GRIK1: variants seen among roughly 807,000 people sequenced by gnomAD.
GRIK1 encodes the protein glutamate receptor ionotropic, kainate 1.
Under a neutral mutation model 105.7 loss-of-function variants are expected in GRIK1, and 69 were observed. That is an observed-to-expected ratio of 0.65 (90% CI 0.54 to 0.80). GRIK1 has a LOEUF of 0.80. GRIK1 is among the 30% of genes least tolerant of loss of function. The pLI is 0.00. For missense variants in GRIK1, 1,109 were observed against 1,167.3 expected (o/e 0.95, Z 0.73); for synonymous variants, 438 against 431.3 (o/e 1.02, Z -0.19).
rs148983818 is a variant in GRIK1, at chr21:29,651,148, G to A, written c.924C>T (p.Pro308=). 7.4e-5 allele frequency: 120 copies of A among 1,611,102 alleles called. No homozygotes were observed. Among genetic ancestry groups the A allele is most frequent in the Middle Eastern group, 1.6e-4 (1 of 6,062 alleles). Reference sequence around the variant, plus strand: ...TCATGCCATCCAAAAGGCCAGTCTCGGGCCTGGGTGGGGCCTGCAGTCTCT... The same window carrying A: ...TCATGCCATCCAAAAGGCCAGTCTCAGGCCTGGGTGGGGCCTGCAGTCTCT... ...SMERLQAPPR[P]ETGLLDGMMT... The change falls in exon 6 of 18, where the codon CCC becomes CCT. Residue 308 remains proline, a synonymous_variant. Coordinates refer to ENST00000327783, the MANE Select transcript of GRIK1 (RefSeq NM_001330994.2).
At chr21:29,740,135 T>C (rs370808381) in intron 1 of GRIK1, among the ~76,000 whole-genome samples, 1 of 152,110 alleles carries the variant, frequency 6.6e-6, no homozygotes, top group Non-Finnish European at 1.5e-5. Context: ...AAACCAACGA[T>C]AGTATGAGTA....
intron 1 of GRIK1, among the ~76,000 whole-genome samples, chr21:29,893,941 G>A (rs370417684): frequency 3.0e-4 from 46 of 152,158 alleles, no homozygotes; most frequent in Non-Finnish European, 1.0e-4. Flanking sequence ...GCATTAGTGC[G>A]TGTGTGTTGG....
chr21:29,825,923 G>A (rs1298740808), intron 1 of GRIK1, among the ~76,000 whole-genome samples: 1 of 151,996 alleles, frequency 6.6e-6, no homozygotes, highest in Non-Finnish European at 1.5e-5. Context: ...ACACAAACCT[G>A]CCTGGTCTTG....
chr21:29,918,323 C>T (rs2071071034), intron 1 of GRIK1, among the ~76,000 whole-genome samples: 1 of 152,078 alleles, frequency 6.6e-6, no homozygotes, highest in African/African-American at 2.4e-5. Context: ...AATCGCTTTT[C>T]ATATACAAGC....
intron 14 of GRIK1, among the ~76,000 whole-genome samples, chr21:29,574,099 G>T (rs981874701): frequency 4.5e-5 from 1 of 22,008 alleles, no homozygotes; most frequent in African/African-American, 2.1e-4. Flanking sequence ...TATATATGAT[G>T]AATAAATAAA....
Position 29,684,011 on chromosome 21 carries a change from G to A in GRIK1, c.544+5717C>T, listed in dbSNP as rs150748901. Among the ~76,000 whole-genome samples the A allele has an allele frequency of 5.1e-4, 77 of 152,150 alleles. 1 individual carries two copies. The East Asian group carries it at 0.011, about 22-fold the overall frequency. On this transcript the variant is annotated intron_variant, in intron 3 of 17. Transcript: ENST00000327783. ...CGTTATTTTCTAGAGCACTTCCCTG[G>A]TATCCTTACATAAAACTGTATACCT...
intron 1 of GRIK1, among the ~76,000 whole-genome samples, chr21:29,934,863 G>A (rs992346354): frequency 1.4e-4 from 21 of 152,128 alleles, no homozygotes; most frequent in African/African-American, 5.1e-4. Flanking sequence ...AAAGATGAAT[G>A]ACACAGGTAA....
intron 1 of GRIK1, among the ~76,000 whole-genome samples, chr21:29,822,376 T>G (rs1264938182): frequency 6.6e-6 from 1 of 152,090 alleles, no homozygotes; most frequent in Non-Finnish European, 1.5e-5. Flanking sequence ...AGTAATATTC[T>G]GTCTAATAAG....
At chr21:29,751,939 C>A (rs147432614) in intron 1 of GRIK1, among the ~76,000 whole-genome samples, 38 of 152,284 alleles carry the variant, frequency 2.5e-4, no homozygotes, top group Admixed American at 1.6e-3. Flanking sequence ...AGGACATGTG[C>A]GCATGGCAGT....
chr21:29,707,305 T>C (rs1421358873), intron 1 of GRIK1, among the ~76,000 whole-genome samples: 5 of 152,164 alleles, frequency 3.3e-5, no homozygotes, highest in African/African-American at 1.2e-4. Flanking sequence ...GACACAACCA[T>C]AACACTGTGA....
intron 1 of GRIK1, among the ~76,000 whole-genome samples, chr21:29,755,368 C>A (rs867715461): frequency 6.6e-6 from 1 of 152,236 alleles, no homozygotes; most frequent in Non-Finnish European, 1.5e-5. Context: ...TCAGCATCAA[C>A]ATCAACATGG....
intron 1 of GRIK1, among the ~76,000 whole-genome samples, chr21:29,789,022 C>T (rs2066339267): frequency 1.3e-5 from 2 of 152,146 alleles, no homozygotes; most frequent in Non-Finnish European, 2.9e-5. Context: ...CTGTTACAGA[C>T]CACTGAAAAT....
intron 1 of GRIK1, among the ~76,000 whole-genome samples, chr21:29,822,474 C>T (rs910797931): frequency 5.3e-5 from 8 of 151,912 alleles, no homozygotes; most frequent in African/African-American, 1.7e-4. Flanking sequence ...GAAAACAAAA[C>T]CCATAATTTT....
intron 4 of GRIK1, among the ~76,000 whole-genome samples, chr21:29,665,793 A>T (rs566080337): frequency 6.6e-6 from 1 of 152,212 alleles, no homozygotes; most frequent in South Asian, 2.1e-4. Context: ...AACATGGGTG[A>T]TGTGAACATC....
chr21:29,608,127 A>G (rs1277452160), intron 7 of GRIK1, among the ~76,000 whole-genome samples: 1 of 152,050 alleles, frequency 6.6e-6, no homozygotes, highest in Non-Finnish European at 1.5e-5. Flanking sequence ...TATTATTTCT[A>G]TATGTTACAG....
intron 1 of GRIK1, among the ~76,000 whole-genome samples, chr21:29,886,003 A>T (rs1176070797): frequency 6.6e-6 from 1 of 152,102 alleles, no homozygotes. Context: ...ATTTGATGTC[A>T]ATCTAGTCCT....
At chr21:29,896,308 C>T (rs1186056788) in intron 1 of GRIK1, among the ~76,000 whole-genome samples, 1 of 152,146 alleles carries the variant, frequency 6.6e-6, no homozygotes, top group Non-Finnish European at 1.5e-5. Flanking sequence ...CCTGGGTACC[C>T]TAGGTAAAAT....
chr21:29,690,385 T>C lies in GRIK1; in HGVS notation c.287-400A>G, dbSNP rs574450395. 2.0e-5 allele frequency among the ~76,000 whole-genome samples: 3 copies of C among 152,326 alleles called. No homozygotes were observed. The South Asian group carries it at 6.2e-4, about 32-fold the overall frequency. On this transcript the variant is annotated intron_variant, in intron 2 of 17. Coordinates refer to ENST00000327783, the MANE Select transcript of GRIK1 (RefSeq NM_001330994.2). ...AGTTCTGTCATGCAGCAGGGTGGCA[T>C]TGAAAATATTAATGTGGTTATAAAA... is the stretch of plus-strand genomic sequence containing the variant.
intron 1 of GRIK1, among the ~76,000 whole-genome samples, chr21:29,721,158 T>G (rs1466740878): frequency 6.6e-6 from 1 of 152,184 alleles, no homozygotes; most frequent in Non-Finnish European, 1.5e-5. Flanking sequence ...GAGCACTCAC[T>G]TTTCTTTCCT....
Sources: gnomAD v4.1 joint callset for allele counts (sites outside exome capture counted in the v4.1 genomes callset) on GRCh38, gnomAD v4.1.1 for gene constraint, MANE v1.5 for transcripts, NCBI Gene and HGNC (gene_info 2026-07-23, HGNC 2026-07-21) for gene names.